The following AGAP1 variants were observed in gnomAD, a reference collection of about 807,000 sequenced individuals.
AGAP1 encodes ArfGAP with GTPase domain, ankyrin repeat and PH domain 1, also known as arf-GAP with GTPase, ANK repeat and PH domain-containing protein 1.
In AGAP1, 29 loss-of-function variants were observed where a neutral mutation model predicts 105.3. That is an observed-to-expected ratio of 0.28 (90% CI 0.21 to 0.38). The LOEUF is 0.38. Among genes scored for constraint, AGAP1 ranks in the 10% least tolerant of loss-of-function variants. AGAP1 has a pLI of 1.00. For missense variants in AGAP1, 998 were observed against 1,165.1 expected (o/e 0.86, Z 2.09); for synonymous variants, 509 against 485.9 (o/e 1.05, Z -0.63).
rs1955992700 is a variant in AGAP1, at chr2:235,777,755, A to G, written c.674-20004A>G. Among the ~76,000 whole-genome samples the G allele has an allele frequency of 6.6e-6, 1 of 152,214 alleles. No homozygotes were observed. Among genetic ancestry groups the G allele is most frequent in the African/African-American group, 2.4e-5 (1 of 41,466 alleles). On this transcript the variant is annotated intron_variant, in intron 6 of 17. Transcript: ENST00000304032. This position sits in a 1 kb window ranked among gnomAD's most constrained non-coding sequence, Gnocchi z 5.1. ...ATGTCCTGATAAAGGTGCACGCTCAAGTGTTTGAGACGTTAACGAATGATG... is the reference window on the plus strand; with the variant it reads ...ATGTCCTGATAAAGGTGCACGCTCAGGTGTTTGAGACGTTAACGAATGATG...
chr2:235,972,598 G>A (rs904929853), intron 13 of AGAP1, among the ~76,000 whole-genome samples: 2 of 152,158 alleles, frequency 1.3e-5, no homozygotes, highest in Non-Finnish European at 2.9e-5. Flanking sequence ...GTGGTGACCG[G>A]GAAGGTGAGG....
chr2:235,676,698 C>T (rs1204816174), intron 1 of AGAP1, among the ~76,000 whole-genome samples: 3 of 152,184 alleles, frequency 2.0e-5, no homozygotes, highest in African/African-American at 2.4e-5. Context: ...AAAATATTTT[C>T]GGTATATGGT....
rs1353540264 is a variant in AGAP1 at position 235,689,582 on chromosome 2, T to TAAG, written c.164-19597_164-19596insAAG. 2.6e-3 allele frequency among the ~76,000 whole-genome samples: 389 copies of TAAG among 152,332 alleles called. 5 individuals carry two copies. The highest frequency in any genetic ancestry group is 8.7e-3 in the African/African-American group (363 of 41,580). On this transcript the variant is annotated intron_variant, in intron 1 of 17. Coordinates refer to ENST00000304032, the MANE Select transcript of AGAP1 (RefSeq NM_001037131.3). The surrounding 1 kb of genome is among the most constrained non-coding windows in gnomAD (Gnocchi z 4.2). Reference sequence around the variant, plus strand: ...TCTGTTTCTCAACTCCCCTCTTGTTTTCATTGTTTCAGGCAAATAATTTCT... The same window carrying TAAG: ...TCTGTTTCTCAACTCCCCTCTTGTTTAAGTCATTGTTTCAGGCAAATAATTTCT...
intron 1 of AGAP1, among the ~76,000 whole-genome samples, chr2:235,603,673 G>A (rs113395827): frequency 2.9e-4 from 44 of 152,276 alleles, no homozygotes; most frequent in African/African-American, 9.4e-4. Context: ...CTGTAAATAG[G>A]CAACTTTCAG....
chr2:235,770,337 G>A lies in AGAP1; in HGVS notation c.673+19849G>A, dbSNP rs577439529. ...ATTTTTAGTAGAGACGGGTTTCACA[G>A]TGTTTGCCAGGATGGTCTCGATCTC... On this transcript the variant is annotated intron_variant, in intron 6 of 17. Transcript: ENST00000304032. Among the ~76,000 whole-genome samples the A allele has an allele frequency of 3.9e-5, 6 of 152,062 alleles. No homozygotes were observed. The South Asian group carries it at 1.2e-3, about 31-fold the overall frequency.
At position 236,027,481 on chromosome 2, in the gene AGAP1, G is replaced by A. The variant is rs1408729336; in HGVS notation, c.1646-9080G>A. On this transcript the variant is annotated intron_variant, in intron 13 of 17. Transcript: ENST00000304032. This position sits in a 1 kb window ranked among gnomAD's most constrained non-coding sequence, Gnocchi z 4.4. The stretch of plus-strand genomic sequence containing the variant: ...TCCTCCCGCCGGTGCCCACCTCTGC[G>A]CTGAGCATGTAGGGTTCCATCTCCC... 6.6e-6 allele frequency among the ~76,000 whole-genome samples: 1 copy of A among 152,070 alleles called. No individual in the cohort carries two copies. Among genetic ancestry groups the A allele is most frequent in the Non-Finnish European group, 1.5e-5 (1 of 68,010 alleles).
intron 13 of AGAP1, among the ~76,000 whole-genome samples, chr2:235,996,775 A>G (rs1466378200): frequency 1.3e-5 from 2 of 152,270 alleles, no homozygotes; most frequent in African/African-American, 4.8e-5. Flanking sequence ...ATTGTGGTTA[A>G]TGGAAAGCAA....
At chr2:236,052,499 C>A (rs879281382) in intron 16 of AGAP1, among the ~76,000 whole-genome samples, 1 of 152,158 alleles carries the variant, frequency 6.6e-6, no homozygotes, top group South Asian at 2.1e-4. Flanking sequence ...CAGCTTCGGA[C>A]GGCTTATAAT....
intron 6 of AGAP1, among the ~76,000 whole-genome samples, chr2:235,762,684 A>G (rs944800136): frequency 5.9e-5 from 9 of 152,250 alleles, no homozygotes; most frequent in South Asian, 4.1e-4. Context: ...ACCGGCCAAC[A>G]TGGCGAAACC....
intron 5 of AGAP1, among the ~76,000 whole-genome samples, chr2:235,745,793 C>T (rs1041959497): frequency 5.9e-5 from 9 of 152,156 alleles, no homozygotes; most frequent in Non-Finnish European, 1.2e-4. Context: ...TGCTTGATCA[C>T]GAACCTACAA....
chr2:235,685,531 A>C (rs961520672), intron 1 of AGAP1, among the ~76,000 whole-genome samples: 2 of 151,550 alleles, frequency 1.3e-5, no homozygotes, highest in South Asian at 2.1e-4. Flanking sequence ...TGACCAGTAG[A>C]GAACAAATGC....
chr2:235,599,375 A>C lies in AGAP1; in HGVS notation c.163+104526A>C, dbSNP rs749990690. ...GATGGAGAAGGTGTGGCGGGCAGCAAGGAGGCTGGGGAAGTGGATGCTGCA... is the reference window on the plus strand; with the variant it reads ...GATGGAGAAGGTGTGGCGGGCAGCACGGAGGCTGGGGAAGTGGATGCTGCA... On this transcript the variant is annotated intron_variant, in intron 1 of 17. Coordinates refer to ENST00000304032, the MANE Select transcript of AGAP1 (RefSeq NM_001037131.3). The surrounding 1 kb of genome is among the most constrained non-coding windows in gnomAD (Gnocchi z 5.3). 6.6e-6 allele frequency among the ~76,000 whole-genome samples: 1 copy of C among 152,102 alleles called. No homozygotes were observed. The highest frequency in any genetic ancestry group is 2.4e-5 in the African/African-American group (1 of 41,422).
chr2:235,703,264 A>G (rs1008852766), intron 1 of AGAP1, among the ~76,000 whole-genome samples: 2 of 151,808 alleles, frequency 1.3e-5, no homozygotes, highest in African/African-American at 2.4e-5. Context: ...TGGTTGCTTC[A>G]TCAGGACTTG....
chr2:235,668,446 T>C (rs1575075190), intron 1 of AGAP1, among the ~76,000 whole-genome samples: 1 of 152,170 alleles, frequency 6.6e-6, no homozygotes, highest in Non-Finnish European at 1.5e-5. Flanking sequence ...AAGTAATGCT[T>C]CCACCTGGCC....
Position 235,611,220 on chromosome 2 carries a change from C to G in AGAP1, c.164-97959C>G, listed in dbSNP as rs1386516804. ...CACTTCATGCTGTCTTGCCAGAGCA[C>G]CTTCCCAGGCAGCTGCAAAGGTGGT... On this transcript the variant is annotated intron_variant, in intron 1 of 17. Transcript: ENST00000304032. This position sits in a 1 kb window ranked among gnomAD's most constrained non-coding sequence, Gnocchi z 5.0. Among the ~76,000 whole-genome samples, 1 of 152,106 alleles carries G rather than the reference C, an allele frequency of 6.6e-6. No individual in the cohort carries two copies. Among genetic ancestry groups the G allele is most frequent in the Non-Finnish European group, 1.5e-5 (1 of 68,010 alleles).
intron 17 of AGAP1, among the ~76,000 whole-genome samples, chr2:236,122,283 T>G (rs933935667): frequency 6.6e-6 from 1 of 152,158 alleles, no homozygotes; most frequent in Non-Finnish European, 1.5e-5. Flanking sequence ...CTAACCCTAT[T>G]GTGACCTCAT....
At chr2:235,651,669 C>T (rs1253379175) in intron 1 of AGAP1, among the ~76,000 whole-genome samples, 1 of 152,092 alleles carries the variant, frequency 6.6e-6, no homozygotes, top group Non-Finnish European at 1.5e-5. Context: ...GAGTGAGCAA[C>T]GTTGAGCCCC....
At position 235,875,678 on chromosome 2, in the gene AGAP1, G is replaced by A. The variant is rs2049691002; in HGVS notation, c.1051-7667G>A. On this transcript the variant is annotated intron_variant, in intron 9 of 17. Transcript: ENST00000304032. This position sits in a 1 kb window ranked among gnomAD's most constrained non-coding sequence, Gnocchi z 4.0. ...GGTCTCCTGTTTCCCATCTGCATTT[G>A]CTTATGGGGCGCCATGACACCAACA... Among the ~76,000 whole-genome samples the A allele has an allele frequency of 6.6e-6, 1 of 152,110 alleles. No homozygotes were observed.
intron 1 of AGAP1, among the ~76,000 whole-genome samples, chr2:235,643,431 C>CAAAAAAAAAA (rs56146940): frequency 2.8e-4 from 17 of 61,414 alleles, no homozygotes; most frequent in African/African-American, 7.5e-4. Flanking sequence ...GACTGGGTCT[C>CAAAAAAAAAA]AAAAAAAAAA....
Sources: allele counts gnomAD v4.1 joint callset (sites outside exome capture counted in the v4.1 genomes callset), GRCh38; gene constraint gnomAD v4.1.1; non-coding constraint Gnocchi (gnomAD v3.1); transcripts MANE v1.5; gene names NCBI Gene and HGNC (gene_info 2026-07-23, HGNC 2026-07-21).